SEMA3A: variants seen among roughly 807,000 people sequenced by gnomAD.
SEMA3A encodes semaphorin-3A.
In SEMA3A, 29 loss-of-function variants were observed where a neutral mutation model predicts 97.9. That is an observed-to-expected ratio of 0.30 (90% confidence interval 0.22 to 0.40). The LOEUF is 0.40. Among genes scored for constraint, SEMA3A ranks in the 10% least tolerant of loss-of-function variants. SEMA3A has a pLI of 1.00. For missense variants in SEMA3A, 763 were observed against 951.3 expected (o/e 0.80, Z 2.60); for synonymous variants, 321 against 323.7 (o/e 0.99, Z 0.09).
At chr7:84,474,670 A>T (rs1324791389) in intron 1 of SEMA3A, among the ~76,000 whole-genome samples, 1 of 152,118 alleles carries the variant, frequency 6.6e-6, no homozygotes, top group Non-Finnish European at 1.5e-5. Context: ...TCCTCTGCAG[A>T]GTGTGAGGCA....
chr7:84,267,378 A>T (rs1800033484), intron 3 of SEMA3A, among the ~76,000 whole-genome samples: 1 of 151,308 alleles, frequency 6.6e-6, no homozygotes, highest in Non-Finnish European at 1.5e-5. Context: ...TTCTCAATGG[A>T]GGAACTGTTA....
At position 84,280,336 on chromosome 7, in the gene SEMA3A, A is replaced by C. The variant is rs74982318; in HGVS notation, c.-83+26871T>G. On this transcript the variant is annotated intron_variant, in intron 3 of 3. Transcript: ENST00000424555. ...AGTGTCTCCTAAGCTAAACTATAAG[A>C]TCTGTGATGGCAGGAAGCTTGTTGT... 0.014 allele frequency among the ~76,000 whole-genome samples: 2,099 copies of C among 152,286 alleles called. 239 individuals are homozygous for C. In the East Asian group the frequency reaches 0.28, roughly 20 times the overall value.
chr7:83,990,653 G>T, intron 12 of SEMA3A, among the ~76,000 whole-genome samples: 1 of 144,372 alleles, frequency 6.9e-6, no homozygotes, highest in African/African-American at 2.6e-5. Context: ...ATTTCTGAGG[G>T]CTCTGTTCTG....
intron 1 of SEMA3A, among the ~76,000 whole-genome samples, chr7:84,383,946 CT>C (rs1407547175): frequency 3.3e-5 from 5 of 152,270 alleles, no homozygotes; most frequent in African/African-American, 1.2e-4. Flanking sequence ...CAGGTATCTC[CT>C]TTTTCCTGAG....
chr7:84,086,456 A>C, intron 4 of SEMA3A, among the ~76,000 whole-genome samples: 1 of 127,288 alleles, frequency 7.9e-6, no homozygotes, highest in African/African-American at 3.1e-5. Flanking sequence ...ATATTATTAT[A>C]TTCATATATA....
At chr7:83,964,268 G>A (rs533979042) in intron 15 of SEMA3A, among the ~76,000 whole-genome samples, 3 of 152,120 alleles carry the variant, frequency 2.0e-5, no homozygotes, top group Admixed American at 1.3e-4. Flanking sequence ...ATGACATCCT[G>A]TACAATCTGA....
At chr7:84,077,076 T>C (rs1274728177) in intron 4 of SEMA3A, among the ~76,000 whole-genome samples, 1 of 152,102 alleles carries the variant, frequency 6.6e-6, no homozygotes, top group Non-Finnish European at 1.5e-5. Flanking sequence ...CCAAGATGTA[T>C]AACAATGAAA....
chr7:84,103,185 T>C (rs1377357781), intron 4 of SEMA3A, among the ~76,000 whole-genome samples: 1 of 152,114 alleles, frequency 6.6e-6, no homozygotes, highest in Non-Finnish European at 1.5e-5. Context: ...CTGGGATGAT[T>C]TAATTCTCTC....
At position 84,260,214 on chromosome 7, in the gene SEMA3A, C is replaced by G. The variant is rs141738832; in HGVS notation, c.-83+46993G>C. Among the ~76,000 whole-genome samples the G allele has an allele frequency of 3.0e-3, 458 of 152,316 alleles. 2 individuals carry two copies. Among genetic ancestry groups the G allele is most frequent in the African/African-American group, 1.0e-2 (415 of 41,578 alleles). On this transcript the variant is annotated intron_variant, in intron 3 of 3. Transcript: ENST00000424555. ...AGAACAAAATAAGTAAAACATTACT[C>G]TCTCCATAATACTAGGTCACTTTAT...
chr7:84,483,497 C>CT (rs1806496775), intron 1 of SEMA3A, among the ~76,000 whole-genome samples: 1 of 152,126 alleles, frequency 6.6e-6, no homozygotes, highest in Admixed American at 6.5e-5. Flanking sequence ...GAGAAGGAGG[C>CT]TTTCAAGCCA....
intron 1 of SEMA3A, chr7:84,372,049 T>A (rs962379902): frequency 6.6e-6 from 1 of 152,058 alleles, no homozygotes; most frequent in Non-Finnish European, 1.5e-5. Context: ...ACATTACTGA[T>A]CCTGTCTCTC....
chr7:84,114,692 C>T (rs1252650284), intron 3 of SEMA3A, among the ~76,000 whole-genome samples: 4 of 152,042 alleles, frequency 2.6e-5, no homozygotes, highest in African/African-American at 4.8e-5. Flanking sequence ...AGCAGTAATC[C>T]GTGAGATTGT....
chr7:84,410,422 G>A (rs1804230579), intron 1 of SEMA3A, among the ~76,000 whole-genome samples: 1 of 152,186 alleles, frequency 6.6e-6, no homozygotes, highest in East Asian at 1.9e-4. Context: ...AAGCAACCTG[G>A]ATTTAATTCC....
At chr7:84,263,684 TC>T (rs2115671485) in intron 3 of SEMA3A, among the ~76,000 whole-genome samples, 1 of 152,324 alleles carries the variant, frequency 6.6e-6, no homozygotes, top group South Asian at 2.1e-4. Flanking sequence ...AATAGTTATC[TC>T]TGAAAATGAT....
chr7:84,432,927 G>C (rs1805022347), intron 1 of SEMA3A, among the ~76,000 whole-genome samples: 1 of 148,308 alleles, frequency 6.7e-6, no homozygotes, highest in Non-Finnish European at 1.5e-5. Flanking sequence ...CAGGATTGCT[G>C]GGTTGAATGG....
rs547617440 is a variant in SEMA3A at position 84,359,731 on chromosome 7, A to C, written c.-169+12093T>G. 3.9e-5 allele frequency among the ~76,000 whole-genome samples: 6 copies of C among 152,196 alleles called. No homozygotes were observed. In the East Asian group the frequency reaches 1.2e-3, roughly 29 times the overall value. ...AGGAATGGGAGGAGCTCCTCCTTGTACCTCTGGTAGAATTCATCTGTGAAT... is the reference window on the plus strand; with the variant it reads ...AGGAATGGGAGGAGCTCCTCCTTGTCCCTCTGGTAGAATTCATCTGTGAAT... On this transcript the variant is annotated intron_variant, in intron 2 of 3. Coordinates refer to the SEMA3A transcript ENST00000424555.
At chr7:84,048,306 A>G (rs2115595001) in intron 5 of SEMA3A, among the ~76,000 whole-genome samples, 1 of 152,106 alleles carries the variant, frequency 6.6e-6, no homozygotes, top group East Asian at 1.9e-4. Context: ...TTTTCTGAAA[A>G]TGCAAAAATG....
chr7:84,171,976 GA>G (rs1797396309), intron 1 of SEMA3A, among the ~76,000 whole-genome samples: 1 of 152,164 alleles, frequency 6.6e-6, no homozygotes, highest in Non-Finnish European at 1.5e-5. Context: ...GGTAGCAGAA[GA>G]AAGCTTCCTC....
intron 3 of SEMA3A, among the ~76,000 whole-genome samples, chr7:84,280,389 T>C (rs1441479549): frequency 6.6e-6 from 1 of 152,186 alleles, no homozygotes; most frequent in Admixed American, 6.6e-5. Context: ...CGGCAATTTA[T>C]TTCAGAATTA....
Sources: allele counts gnomAD v4.1 joint callset (sites outside exome capture counted in the v4.1 genomes callset), GRCh38; gene constraint gnomAD v4.1.1; transcripts MANE v1.5; gene names NCBI Gene and HGNC (gene_info 2026-07-23, HGNC 2026-07-21).